CST3: variants seen among roughly 807,000 people sequenced by gnomAD.
The protein encoded by CST3 is cystatin-C.
Under a neutral mutation model 9.0 loss-of-function variants are expected in CST3, and 14 were observed. The observed-to-expected ratio is 1.56, with a 90% confidence interval of 1.03 to 2.44. The LOEUF (loss-of-function observed/expected upper bound fraction) is 2.44, where lower values mean the gene tolerates loss of function less well. Ranked by LOEUF, CST3 falls within the 30% of genes most tolerant of loss-of-function variation. The pLI, the probability that CST3 is intolerant of heterozygous loss-of-function variation, is 0.00. For synonymous variants in CST3, 96 were observed against 90.2 expected, an observed-to-expected ratio of 1.06 and a Z score of -0.37; for missense variants, 237 against 204.3, an observed-to-expected ratio of 1.16 and a Z score of -0.98.
exon 4 of CST3, chr20:23,626,892 T>A (rs561064745): frequency 6.6e-6 from 1 of 152,114 alleles, no homozygotes; most frequent in African/African-American, 2.4e-5. Flanking sequence ...CTGGAGTAAG[T>A]TGTGGTGTTG....
chr20:23,627,293 G>C (rs1035513039), exon 4 of CST3: 9 of 152,264 alleles, frequency 5.9e-5, no homozygotes, highest in African/African-American at 7.2e-5. Flanking sequence ...ATGCTGACTT[G>C]TTTCAGCATG....
intron 2 of CST3, 146 bp from the exon 3 acceptor site, chr20:23,634,145 C>T: frequency 1.4e-6 from 1 of 725,902 alleles, no homozygotes; most frequent in Non-Finnish European, 2.5e-6. Context: ...CCCCGCTGAT[C>T]CCAGAGCACC....
downstream of CST3, chr20:23,629,104 G>T (rs1979354067): frequency 6.6e-6 from 1 of 152,250 alleles, no homozygotes; most frequent in African/African-American, 2.4e-5. Context: ...CAATCATGAG[G>T]CTTCAGGGGA....
At chr20:23,630,613 G>A (rs776555907), downstream of CST3, among the ~76,000 whole-genome samples, 2 of 152,084 alleles carry the variant, frequency 1.3e-5, no homozygotes, top group Non-Finnish European at 2.9e-5. Flanking sequence ...CAGGGCTGGC[G>A]ATTTGCTCTC....
At position 23,633,722 on chromosome 20, in the gene CST3, C is replaced by T; in HGVS notation, c.*194G>A. On this transcript the variant is annotated 3_prime_UTR_variant, in exon 3 of 3. Coordinates refer to ENST00000376925, the MANE Select transcript of CST3 (RefSeq NM_000099.4). ...CACCGCACACCGGGGCTATGAGAAG[C>T]AAGAAGGAAGGAGGGAGGGCAGAGC... 1.5e-6 allele frequency: 1 copy of T among 670,664 alleles called. No homozygotes were observed. The allele number at this position is 670,664 out of a possible 1,614,324, so 41.5% of individuals were successfully genotyped here. A position where few individuals can be genotyped will look rare whatever the true frequency, so the allele number is the denominator to read the frequency against.
downstream of CST3, among the ~76,000 whole-genome samples, chr20:23,633,060 T>G (rs1044321802): frequency 7.2e-5 from 11 of 152,160 alleles, no homozygotes; most frequent in Admixed American, 5.9e-4. Flanking sequence ...CCAGGATGGA[T>G]GACAGCAGGT....
chr20:23,628,894 GTC>G (rs1289150092), downstream of CST3: 1 of 152,184 alleles, frequency 6.6e-6, no homozygotes, highest in African/African-American at 2.4e-5. Flanking sequence ...TTTCCTTGCT[GTC>G]TCTTCAGTTT....
downstream of CST3, among the ~76,000 whole-genome samples, chr20:23,631,617 C>A (rs148658118): frequency 2.0e-5 from 3 of 152,292 alleles, no homozygotes; most frequent in Admixed American, 1.3e-4. Context: ...GGCTTGCCAT[C>A]GAGGAACACC....
downstream of CST3, among the ~76,000 whole-genome samples, chr20:23,630,185 C>T (rs983138925): frequency 2.6e-5 from 4 of 152,202 alleles, no homozygotes; most frequent in Non-Finnish European, 4.4e-5. Context: ...TCCCAGAACA[C>T]GATCAACTTT....
downstream of CST3, among the ~76,000 whole-genome samples, chr20:23,629,738 G>T (rs2424575): frequency 5.1e-5 from 6 of 118,732 alleles, no homozygotes; most frequent in East Asian, 2.4e-4. Context: ...GACTGGTGGG[G>T]GGGGGAGGGG....
chr20:23,632,558 A>G (rs1281299064), downstream of CST3, among the ~76,000 whole-genome samples: 1 of 151,794 alleles, frequency 6.6e-6, no homozygotes, highest in Non-Finnish European at 1.5e-5. Context: ...GACGCTCCCC[A>G]CTCTCCCTGC....
chr20:23,632,751 G>T (rs1001071098), downstream of CST3, among the ~76,000 whole-genome samples: 2 of 152,204 alleles, frequency 1.3e-5, no homozygotes, highest in Non-Finnish European at 2.9e-5. Context: ...TGGCTGTAAG[G>T]GCTGCACCCC....
At chr20:23,630,772 T>TG (rs1979423879), downstream of CST3, among the ~76,000 whole-genome samples, 1 of 136,630 alleles carries the variant, frequency 7.3e-6, no homozygotes. Context: ...AAGGCAGAGT[T>TG]AAAAAAAAAA....
At chr20:23,628,323 G>GTTCA (rs1979327154) in exon 4 of CST3, 1 of 152,236 alleles carries the variant, frequency 6.6e-6, no homozygotes, top group Non-Finnish European at 1.5e-5. Flanking sequence ...CTCAATAAGG[G>GTTCA]AAGTTACAGC....
rs934765484 is a variant in CST3, at chr20:23,635,364, C to T, written c.247G>A (p.Val83Ile). Residue 83 changes from valine (V) to isoleucine (I), a missense_variant, in exon 2 of 3, where the codon GTA (valine) becomes ATA (isoleucine). Transcript: ENST00000376925. ...LQVVRARKQI[V>I]AGVNYFLDVE... ...TCCAAGAAGTAGTTCACCCCAGCTACGATCTACACATGTGAAAGAGCAGGA... is the reference window on the plus strand; with the variant it reads ...TCCAAGAAGTAGTTCACCCCAGCTATGATCTACACATGTGAAAGAGCAGGA... The T allele has an allele frequency of 8.9e-6, 13 of 1,461,626 alleles. No homozygotes were observed. The African/African-American group carries it at 9.3e-5, about 10-fold the overall frequency. The allele number at this position is 1,461,626 out of a possible 1,614,324, so 90.5% of individuals were successfully genotyped here. A position where few individuals can be genotyped will look rare whatever the true frequency, so the allele number is the denominator to read the frequency against.
At position 23,633,685 on chromosome 20, in the gene CST3, TG is replaced by T. The variant is rs1979535594; in HGVS notation, c.*230del. ...GATGCTACTATTTTATTGCAGGAGG[TG>T]GGGGTGTATGCACCGCACACCGGGG... is the stretch of plus-strand genomic sequence containing the variant. On this transcript the variant is annotated 3_prime_UTR_variant, in exon 3 of 3. Coordinates refer to ENST00000376925, the MANE Select transcript of CST3 (RefSeq NM_000099.4). 1 of 621,692 alleles carries T rather than the reference TG, an allele frequency of 1.6e-6. No homozygotes were observed. The allele number at this position is 621,692 out of a possible 1,614,324, so 38.5% of individuals were successfully genotyped here. A position where few individuals can be genotyped will look rare whatever the true frequency, so the allele number is the denominator to read the frequency against.
exon 4 of CST3, chr20:23,626,899 GTTGT>G (rs1330827855): frequency 2.6e-5 from 4 of 152,164 alleles, no homozygotes; most frequent in Admixed American, 1.3e-4. Context: ...AAGTTGTGGT[GTTGT>G]TTAATTTTGT....
chr20:23,627,790 A>G (rs1449501650), exon 4 of CST3: 9 of 152,156 alleles, frequency 5.9e-5, no homozygotes, highest in Admixed American at 5.9e-4. Flanking sequence ...GCACGTTTTT[A>G]TGCGTTTATT....
At chr20:23,629,862 C>T (rs1031753654), downstream of CST3, among the ~76,000 whole-genome samples, 2 of 152,156 alleles carry the variant, frequency 1.3e-5, no homozygotes, top group African/African-American at 4.8e-5. Flanking sequence ...TTCCACAGGG[C>T]AGGAGGTGAT....
Sources: allele counts gnomAD v4.1 joint callset (sites outside exome capture counted in the v4.1 genomes callset), GRCh38; gene constraint gnomAD v4.1.1; transcripts MANE v1.5; gene names NCBI Gene and HGNC (gene_info 2026-07-23, HGNC 2026-07-21).